Variants in NRG1 observed in about 807,000 individuals in gnomAD.
NRG1 encodes neuregulin 1, also known as pro-neuregulin-1, membrane-bound isoform.
Under a neutral mutation model 63.8 loss-of-function variants are expected in NRG1, and 18 were observed. That is an observed-to-expected ratio of 0.28 (90% CI 0.19 to 0.42). The LOEUF is 0.42. Ranked by LOEUF, NRG1 falls within the 10% of genes least tolerant of loss-of-function variation. NRG1 has a pLI of 1.00. For synonymous variants in NRG1, 302 were observed against 301.3 expected (o/e 1.00, Z -0.02); for missense variants, 762 against 814.7 (o/e 0.94, Z 0.79).
chr8:32,205,500 A>G (rs1303323359), intron 1 of NRG1, among the ~76,000 whole-genome samples: 1 of 152,208 alleles, frequency 6.6e-6, no homozygotes, highest in Non-Finnish European at 1.5e-5. Flanking sequence ...TGTGTTCACC[A>G]AAATCCTGCT....
At chr8:31,899,165 G>GTGAA (rs1370966412) in intron 1 of NRG1, among the ~76,000 whole-genome samples, 2 of 151,328 alleles carry the variant, frequency 1.3e-5, no homozygotes, top group Non-Finnish European at 2.9e-5. Flanking sequence ...CTGCAGTGAT[G>GTGAA]TGAACATAGC....
chr8:32,473,343 G>A lies in NRG1; in HGVS notation c.38-122485G>A, dbSNP rs191546696. Among the ~76,000 whole-genome samples the A allele has an allele frequency of 5.5e-4, 84 of 152,240 alleles. 1 individual carries two copies. The highest frequency in any genetic ancestry group is 2.1e-4 in the South Asian group (1 of 4,818). The stretch of plus-strand genomic sequence containing the variant: ...TGACTTCAGAAATAATCTGGTAAAC[G>A]AAATCTTTTCGAGGCTCTTCATTTT... On this transcript the variant is annotated intron_variant, in intron 1 of 10. Transcript: ENST00000519301.
chr8:32,039,105 A>T (rs1424361146), intron 1 of NRG1, among the ~76,000 whole-genome samples: 1 of 152,218 alleles, frequency 6.6e-6, no homozygotes, highest in African/African-American at 2.4e-5. Flanking sequence ...AAAAGTGAAC[A>T]AATTGCTTTC....
chr8:32,561,503 T>C (rs1016634694), intron 1 of NRG1, among the ~76,000 whole-genome samples: 6 of 151,564 alleles, frequency 4.0e-5, no homozygotes, highest in Admixed American at 1.3e-4. Flanking sequence ...AGTATAGTAA[T>C]GAGCTGCCTC....
Position 32,127,391 on chromosome 8 carries a change from A to G in NRG1, c.38-468437A>G, listed in dbSNP as rs374478714. ...AAGACCTTCCAAGAGAAGGTTGGCT[A>G]CAGACCTTGCTTATCACACCATGAA... On this transcript the variant is annotated intron_variant, in intron 1 of 10. Coordinates refer to the NRG1 transcript ENST00000519301. 5.3e-5 allele frequency among the ~76,000 whole-genome samples: 8 copies of G among 151,988 alleles called. No individual in the cohort carries two copies. In the East Asian group the frequency reaches 9.7e-4, roughly 18 times the overall value.
chr8:32,424,275 A>C (rs1439425714), intron 1 of NRG1, among the ~76,000 whole-genome samples: 1 of 152,078 alleles, frequency 6.6e-6, no homozygotes, highest in Admixed American at 6.5e-5. Context: ...ACATTGTAGG[A>C]CTAGTGTGAG....
intron 1 of NRG1, among the ~76,000 whole-genome samples, chr8:31,769,137 T>C (rs1217085297): frequency 1.3e-5 from 2 of 152,230 alleles, no homozygotes; most frequent in Admixed American, 6.5e-5. Flanking sequence ...CATAACATTT[T>C]TTGCTGAAAT....
At chr8:32,257,890 A>G (rs1849911723) in intron 1 of NRG1, among the ~76,000 whole-genome samples, 1 of 152,222 alleles carries the variant, frequency 6.6e-6, no homozygotes, top group African/African-American at 2.4e-5. Flanking sequence ...AGATTAGTTT[A>G]ATAAATTTTG....
At chr8:32,632,189 C>T (rs1850432227) in intron 5 of NRG1, among the ~76,000 whole-genome samples, 1 of 152,012 alleles carries the variant, frequency 6.6e-6, no homozygotes. Flanking sequence ...TTAAAATAAG[C>T]CACGTTAATA....
chr8:32,180,884 T>G (rs961861368), intron 1 of NRG1, among the ~76,000 whole-genome samples: 1 of 152,162 alleles, frequency 6.6e-6, no homozygotes, highest in African/African-American at 2.4e-5. Flanking sequence ...GTGTGCCCTT[T>G]CACCAACATC....
At chr8:32,480,257 T>G (rs1172636682) in intron 1 of NRG1, among the ~76,000 whole-genome samples, 1 of 151,944 alleles carries the variant, frequency 6.6e-6, no homozygotes, top group Non-Finnish European at 1.5e-5. Context: ...AAAGTCAGCC[T>G]CATGGAAACA....
chr8:31,699,010 G>A (rs1330774154), intron 1 of NRG1, among the ~76,000 whole-genome samples: 4 of 152,168 alleles, frequency 2.6e-5, no homozygotes, highest in Admixed American at 6.5e-5. Context: ...TCATTGGTTA[G>A]GACCCACTGA....
intron 5 of NRG1, among the ~76,000 whole-genome samples, chr8:32,673,207 T>C (rs747628669): frequency 2.6e-4 from 40 of 152,220 alleles, no homozygotes; most frequent in Non-Finnish European, 5.6e-4. Flanking sequence ...TGATAATGTA[T>C]TATATGAAGG....
intron 1 of NRG1, among the ~76,000 whole-genome samples, chr8:32,209,708 C>CT (rs1291015510): frequency 2.0e-5 from 3 of 148,658 alleles, no homozygotes; most frequent in Non-Finnish European, 3.0e-5. Flanking sequence ...TTCTTTCTCT[C>CT]TTTCCCTTCC....
chr8:32,267,040 C>G (rs528486848), intron 1 of NRG1, among the ~76,000 whole-genome samples: 2 of 148,898 alleles, frequency 1.3e-5, no homozygotes, highest in African/African-American at 5.0e-5. Flanking sequence ...CAGAGCCAGA[C>G]TCCATCTCAA....
At chr8:32,541,065 T>C (rs904655402) in intron 1 of NRG1, among the ~76,000 whole-genome samples, 3 of 152,174 alleles carry the variant, frequency 2.0e-5, no homozygotes, top group African/African-American at 7.2e-5. Context: ...AACACACACA[T>C]ACACAAAATT....
Position 32,172,941 on chromosome 8 carries a change from C to T in NRG1, c.38-422887C>T, listed in dbSNP as rs989113151. On this transcript the variant is annotated intron_variant, in intron 1 of 10. Coordinates refer to the NRG1 transcript ENST00000519301. ...GCAGGATATTATCCAGGAGAACTTCCACAATCTAGCAAGGCAGGGAACATT... is the reference window on the plus strand; with the variant it reads ...GCAGGATATTATCCAGGAGAACTTCTACAATCTAGCAAGGCAGGGAACATT... Among the ~76,000 whole-genome samples, 3 of 152,290 alleles carry T rather than the reference C, an allele frequency of 2.0e-5. No homozygotes were observed. The East Asian group carries it at 5.8e-4, about 29-fold the overall frequency.
At chr8:32,735,899 T>C (rs1007448767) in intron 6 of NRG1, among the ~76,000 whole-genome samples, 1 of 152,112 alleles carries the variant, frequency 6.6e-6, no homozygotes, top group African/African-American at 2.4e-5. Flanking sequence ...GCAGGACAAG[T>C]TAGGTTTGGT....
At chr8:31,927,865 A>T (rs905782226) in intron 1 of NRG1, among the ~76,000 whole-genome samples, 41 of 149,596 alleles carry the variant, frequency 2.7e-4, no homozygotes, top group African/African-American at 8.5e-4. Context: ...AAAAAATTTT[A>T]TTATTATTAT....
Sources: allele counts gnomAD v4.1 joint callset (sites outside exome capture counted in the v4.1 genomes callset), GRCh38; gene constraint gnomAD v4.1.1; transcripts MANE v1.5; gene names NCBI Gene and HGNC (gene_info 2026-07-23, HGNC 2026-07-21).